Variants in FLI1 observed in about 807,000 individuals in gnomAD.
FLI1 encodes Fli-1 proto-oncogene, ETS transcription factor.
A neutral mutation model predicts 53.1 loss-of-function variants in FLI1; 13 were observed. The ratio of observed to expected loss-of-function variants is 0.24; its 90% confidence interval spans 0.16 to 0.39. The LOEUF (loss-of-function observed/expected upper bound fraction) is 0.39. Ranked by LOEUF, FLI1 falls within the 10% of genes least tolerant of loss-of-function variation. The pLI is 1.00. For missense variants in FLI1, 424 were observed against 600.5 expected (o/e 0.71, Z 3.07); for synonymous variants, 244 against 236.7 (o/e 1.03, Z -0.28).
At chr11:128,771,731 ACT>A (rs1941565219) in intron 3 of FLI1, among the ~76,000 whole-genome samples, 1 of 151,380 alleles carries the variant, frequency 6.6e-6, no homozygotes, top group Non-Finnish European at 1.5e-5. Context: ...GTCTTCCTTG[ACT>A]CTCCAAATTT....
chr11:128,773,090 A>T (rs961418549), intron 4 of FLI1, 105 bp downstream of exon 4: 2 of 1,056,096 alleles, frequency 1.9e-6, no homozygotes, highest in African/African-American at 3.1e-5. Context: ...ATGCCGCCGG[A>T]GCAGCATCGT....
upstream of FLI1, among the ~76,000 whole-genome samples, chr11:128,691,030 GGAGAGAA>G (rs768848907): frequency 5.3e-5 from 8 of 152,082 alleles, no homozygotes; most frequent in Non-Finnish European, 8.8e-5. Context: ...GAAAGAGGAA[GGAGAGAA>G]GAGAGGAGGG....
intron 1 of FLI1, among the ~76,000 whole-genome samples, chr11:128,706,147 G>A (rs1324426692): frequency 6.6e-6 from 1 of 152,182 alleles, no homozygotes; most frequent in African/African-American, 2.4e-5. Flanking sequence ...CAACAGGTGT[G>A]CAAGGAAACC....
intron 1 of FLI1, among the ~76,000 whole-genome samples, chr11:128,757,041 A>AT (rs202176204): frequency 1.5e-4 from 18 of 123,378 alleles, no homozygotes; most frequent in African/African-American, 5.3e-4. Context: ...TATCTAGCTA[A>AT]TTTTTTCTTT....
chr11:128,779,767 C>T (rs1168964584), intron 4 of FLI1, among the ~76,000 whole-genome samples: 1 of 152,196 alleles, frequency 6.6e-6, no homozygotes, highest in Non-Finnish European at 1.5e-5. Flanking sequence ...GTCTCCTTTG[C>T]TTAATAAACA....
At chr11:128,773,931 G>C (rs1941653962) in intron 4 of FLI1, among the ~76,000 whole-genome samples, 1 of 152,068 alleles carries the variant, frequency 6.6e-6, no homozygotes, top group African/African-American at 2.4e-5. Context: ...GCTATTTGTT[G>C]TGAATGGCCA....
Position 128,799,787 on chromosome 11 carries a change from A to T in FLI1, c.656-5579A>T, listed in dbSNP as rs549042719. ...AGGTTCGGGCAGTGCAGCAGTTCTC[A>T]CAGGTGGAGAGCAGGATGAAGGAAC... On this transcript the variant is annotated intron_variant, in intron 5 of 8. Transcript: ENST00000527786. 2.2e-3 allele frequency among the ~76,000 whole-genome samples: 341 copies of T among 152,330 alleles called. 2 individuals are homozygous for T. The highest frequency in any genetic ancestry group is 2.9e-3 in the Non-Finnish European group (199 of 68,028).
At chr11:128,743,421 A>AAAAAG (rs1227914057) in intron 1 of FLI1, among the ~76,000 whole-genome samples, 2 of 151,560 alleles carry the variant, frequency 1.3e-5, no homozygotes, top group Non-Finnish European at 2.9e-5. Context: ...AAAAAAAAAA[A>AAAAAG]AAAAAGAACT....
chr11:128,795,556 G>A (rs1942410545), intron 5 of FLI1, among the ~76,000 whole-genome samples: 1 of 107,728 alleles, frequency 9.3e-6, no homozygotes, highest in South Asian at 3.3e-4. Context: ...AATATAGAAA[G>A]CAATTTTTTT....
intron 1 of FLI1, among the ~76,000 whole-genome samples, chr11:128,729,193 A>C (rs1161041200): frequency 6.6e-6 from 1 of 152,240 alleles, no homozygotes; most frequent in Non-Finnish European, 1.5e-5. Context: ...GTTGTGCTCC[A>C]TGGTTCAAAG....
chr11:128,746,462 A>G (rs1347101925), intron 1 of FLI1, among the ~76,000 whole-genome samples: 1 of 152,166 alleles, frequency 6.6e-6, no homozygotes, highest in Non-Finnish European at 1.5e-5. Flanking sequence ...GTGGGAGCCC[A>G]TCCTTTAGGA....
At chr11:128,761,816 C>T (rs969308392) in intron 2 of FLI1, among the ~76,000 whole-genome samples, 1 of 152,194 alleles carries the variant, frequency 6.6e-6, no homozygotes, top group African/African-American at 2.4e-5. Flanking sequence ...TTCCAGTGAA[C>T]AGACAGGATA....
chr11:128,807,014 G>A (rs932299538), intron 6 of FLI1, 166 bp from the exon 7 acceptor site: 1 of 416,654 alleles, frequency 2.4e-6, no homozygotes, highest in African/African-American at 2.0e-5. Flanking sequence ...TGGAGAACAG[G>A]GCCAGCACAT....
At chr11:128,738,389 C>T (rs761280324) in intron 1 of FLI1, among the ~76,000 whole-genome samples, 2 of 152,328 alleles carry the variant, frequency 1.3e-5, no homozygotes, top group African/African-American at 2.4e-5. Context: ...TCTCTCATTA[C>T]TCAAATGATG....
At chr11:128,763,361 C>G (rs1271104073) in intron 2 of FLI1, among the ~76,000 whole-genome samples, 1 of 152,208 alleles carries the variant, frequency 6.6e-6, no homozygotes, top group East Asian at 1.9e-4. Flanking sequence ...TGCCTTGAAA[C>G]AGCATGGCCC....
intron 5 of FLI1, among the ~76,000 whole-genome samples, chr11:128,799,040 A>ATTTT (rs1360505352): frequency 5.3e-5 from 7 of 131,456 alleles, no homozygotes; most frequent in African/African-American, 2.0e-4. Flanking sequence ...TATTATTATT[A>ATTTT]TTATTATTAT....
In FLI1 at chr11:128,787,875, C is replaced by T. The variant is rs1293940546; in HGVS notation, c.655+5852C>T. ...AGGCTGGAGTGCGGTGGCGTGATCT[C>T]GGCTCACTGCAAGCTCCACCTCCCG... is the stretch of plus-strand genomic sequence containing the variant. On this transcript the variant is annotated intron_variant, in intron 5 of 8. Transcript: ENST00000527786. 5.5e-5 allele frequency among the ~76,000 whole-genome samples: 8 copies of T among 144,412 alleles called. No individual in the cohort carries two copies. The South Asian group carries it at 6.5e-4, about 12-fold the overall frequency. 94.7% of individuals were successfully genotyped at this position (144,412 alleles called of 152,430 possible).
At chr11:128,776,691 A>G (rs1292182955) in intron 4 of FLI1, among the ~76,000 whole-genome samples, 1 of 152,178 alleles carries the variant, frequency 6.6e-6, no homozygotes, top group Non-Finnish European at 1.5e-5. Context: ...AACTATCTAC[A>G]GTACCCATTT....
chr11:128,709,722 T>C (rs1224178460), intron 1 of FLI1, among the ~76,000 whole-genome samples: 1 of 152,326 alleles, frequency 6.6e-6, no homozygotes, highest in East Asian at 1.9e-4. Context: ...CCCTTGTGAA[T>C]AGTTTTAAAA....
Sources: gnomAD v4.1 joint callset for allele counts (sites outside exome capture counted in the v4.1 genomes callset) on GRCh38, gnomAD v4.1.1 for gene constraint, MANE v1.5 for transcripts, NCBI Gene and HGNC (gene_info 2026-07-23, HGNC 2026-07-21) for gene names.